Variants in CABIN1 observed in about 807,000 individuals in gnomAD.
The protein encoded by CABIN1 is calcineurin-binding protein cabin-1.
Under a neutral mutation model 227.7 loss-of-function variants are expected in CABIN1, and 133 were observed. The ratio of observed to expected loss-of-function variants is 0.58; its 90% CI spans 0.51 to 0.67. CABIN1 has a LOEUF of 0.67. Among genes scored for constraint, CABIN1 ranks in the 30% least tolerant of loss-of-function variants. The probability of loss-of-function intolerance (pLI) is 0.00; values close to 1 mark genes in which losing one functional copy is unlikely to be tolerated. For missense variants in CABIN1, 2,408 were observed against 2,852.5 expected (o/e 0.84, Z 3.55); for synonymous variants, 1,086 against 1,155.1 (o/e 0.94, Z 1.21).
At chr22:24,129,877 C>T (rs949373065) in intron 28 of CABIN1, among the ~76,000 whole-genome samples, 1 of 152,162 alleles carries the variant, frequency 6.6e-6, no homozygotes, top group African/African-American at 2.4e-5. Context: ...GGGAGATGAG[C>T]CAGCGGGTAG....
chr22:24,033,079 A>G (rs1442172850), intron 1 of CABIN1, among the ~76,000 whole-genome samples: 3 of 152,214 alleles, frequency 2.0e-5, no homozygotes, highest in African/African-American at 7.2e-5. Context: ...CTCCGTCTCA[A>G]AGAAACAAAA....
At chr22:24,066,302 C>T (rs1478813914) in intron 15 of CABIN1, among the ~76,000 whole-genome samples, 1 of 152,184 alleles carries the variant, frequency 6.6e-6, no homozygotes, top group Admixed American at 6.5e-5. Context: ...TTGCTCTGCT[C>T]TCCTGGCTAT....
intron 29 of CABIN1, among the ~76,000 whole-genome samples, chr22:24,154,827 C>A: frequency 6.6e-6 from 1 of 152,132 alleles, no homozygotes; most frequent in East Asian, 1.9e-4. Flanking sequence ...AGCCTTGGAC[C>A]GCTGGCTCCA....
At chr22:24,148,273 G>A (rs1243694908) in intron 29 of CABIN1, among the ~76,000 whole-genome samples, 1 of 152,240 alleles carries the variant, frequency 6.6e-6, no homozygotes, top group Non-Finnish European at 1.5e-5. Context: ...AGAAGAGTGT[G>A]TCTTTATGGC....
chr22:24,082,085 CTTTT>C (rs71184946), intron 19 of CABIN1, among the ~76,000 whole-genome samples: 11 of 121,178 alleles, frequency 9.1e-5, no homozygotes, highest in Non-Finnish European at 1.0e-4. Flanking sequence ...TATTCTCTCT[CTTTT>C]TTTTTTTTTT....
At chr22:24,043,842 A>G (rs1018402197) in intron 6 of CABIN1, among the ~76,000 whole-genome samples, 1 of 152,262 alleles carries the variant, frequency 6.6e-6, no homozygotes, top group African/African-American at 2.4e-5. Context: ...ATTCCTCTCC[A>G]GTTGTAAACT....
intron 26 of CABIN1, among the ~76,000 whole-genome samples, chr22:24,111,482 G>A (rs921281815): frequency 2.0e-5 from 3 of 152,200 alleles, no homozygotes; most frequent in Non-Finnish European, 4.4e-5. Context: ...GATCTAGGTT[G>A]TGCGCTCCTC....
At position 24,119,469 on chromosome 22, in the gene CABIN1, G is replaced by C. The variant is rs200669531; in HGVS notation, c.4403G>C (p.Gly1468Ala). Residue 1468 changes from glycine (G) to alanine (A), a missense_variant, in exon 28 of 37, where the codon GGC (glycine) becomes GCC (alanine). Physicochemically the swap from Gly to Ala is moderately conservative, Grantham distance 60. Around this residue, in one of 3 missense-constraint regions of CABIN1, gnomAD observed 649 missense variants for 910.3 expected, o/e 0.71. Coordinates refer to ENST00000263119, the MANE Select transcript of CABIN1 (RefSeq NM_012295.4). ...ACCCCAGCCTCTGCTTGCATCCCTGGCAAGCCCTCAGCATCCACACCCACC... is the reference window on the plus strand; with the variant it reads ...ACCCCAGCCTCTGCTTGCATCCCTGCCAAGCCCTCAGCATCCACACCCACC... ...AETPASACIPGKPSASTPTLW... is the reference protein window; with the variant it reads ...AETPASACIPAKPSASTPTLW... 1 of 1,614,108 alleles carries C rather than the reference G, an allele frequency of 6.2e-7. No homozygotes were observed. Among genetic ancestry groups the C allele is most frequent in the African/African-American group, 1.3e-5 (1 of 75,054 alleles).
chr22:24,012,487 A>C (rs1361165740), intron 1 of CABIN1, among the ~76,000 whole-genome samples: 1 of 152,176 alleles, frequency 6.6e-6, no homozygotes, highest in African/African-American at 2.4e-5. Context: ...TCACACAGCC[A>C]GGGCACTGCC....
chr22:24,050,015 G>C (rs1194770288), intron 7 of CABIN1, among the ~76,000 whole-genome samples: 1 of 152,148 alleles, frequency 6.6e-6, no homozygotes, highest in Admixed American at 6.5e-5. Flanking sequence ...TCACCTCTCT[G>C]TTGCTTTCTG....
chr22:24,013,231 C>T (rs539545012), intron 1 of CABIN1, among the ~76,000 whole-genome samples: 4 of 143,058 alleles, frequency 2.8e-5, no homozygotes, highest in Non-Finnish European at 1.5e-5. Context: ...GGAGTCTCGC[C>T]TGTGGCCCAG....
chr22:24,139,362 G>A (rs2044609194), intron 29 of CABIN1, among the ~76,000 whole-genome samples: 1 of 152,140 alleles, frequency 6.6e-6, no homozygotes, highest in African/African-American at 2.4e-5. Context: ...ACCACCTGAG[G>A]TCAGAAGTTC....
At chr22:24,109,201 T>G (rs1481240027) in intron 26 of CABIN1, among the ~76,000 whole-genome samples, 1 of 151,812 alleles carries the variant, frequency 6.6e-6, no homozygotes, top group Non-Finnish European at 1.5e-5. Flanking sequence ...TCAACTTTTT[T>G]GAAACAACTT....
chr22:24,038,497 G>A, intron 4 of CABIN1, 36 bp downstream of exon 4: 1 of 1,469,316 alleles, frequency 6.8e-7, no homozygotes, highest in Non-Finnish European at 9.5e-7. Context: ...GTGCCGTGGT[G>A]GTTAGTGCAT....
intron 20 of CABIN1, 35 bp from the exon 21 acceptor site, chr22:24,084,544 T>C: frequency 3.3e-6 from 5 of 1,529,392 alleles, no homozygotes; most frequent in Non-Finnish European, 4.5e-6. Flanking sequence ...TTACCCTGAA[T>C]GTGTTACTAA....
chr22:24,037,874 A>C (rs1401467724), intron 3 of CABIN1, among the ~76,000 whole-genome samples: 1 of 151,958 alleles, frequency 6.6e-6, no homozygotes, highest in East Asian at 1.9e-4. Flanking sequence ...AGGGATTCTC[A>C]CCCCCTACCC....
intron 25 of CABIN1, among the ~76,000 whole-genome samples, chr22:24,096,305 CAT>C (rs1438076039): frequency 1.3e-5 from 2 of 152,190 alleles, no homozygotes; most frequent in Non-Finnish European, 2.9e-5. Context: ...ACCCTGTGGT[CAT>C]GTGTGGTGCT....
At chr22:24,049,330 T>C in intron 7 of CABIN1, 110 bp downstream of exon 7, 1 of 1,334,294 alleles carries the variant, frequency 7.5e-7, no homozygotes, top group South Asian at 1.2e-5. Flanking sequence ...GCCCCTGTGC[T>C]CTGGGGCTTC....
intron 4 of CABIN1, among the ~76,000 whole-genome samples, chr22:24,039,259 G>C (rs1248842022): frequency 2.0e-5 from 3 of 152,162 alleles, no homozygotes. Context: ...TCCTTGAGTT[G>C]AGCAGAGTCT....
Sources: allele counts gnomAD v4.1 joint callset (sites outside exome capture counted in the v4.1 genomes callset), GRCh38; gene constraint gnomAD v4.1.1; regional missense constraint gnomAD v4.1.1; transcripts MANE v1.5; gene names NCBI Gene and HGNC (gene_info 2026-07-23, HGNC 2026-07-21).